SBF2: variants seen among roughly 807,000 people sequenced by gnomAD.
SBF2 encodes the protein SET binding factor 2.
SBF2 carries 112 observed loss-of-function variants against 225.2 expected under a neutral mutation model. The observed-to-expected ratio is 0.50, with a 90% CI of 0.43 to 0.58. SBF2 has a LOEUF of 0.58. SBF2 is among the 20% of genes least tolerant of loss of function. The pLI is 0.00. For missense variants in SBF2, 1,996 were observed against 2,206.2 expected, an observed-to-expected ratio of 0.90 and a Z score of 1.91; for synonymous variants, 763 against 773.3, an observed-to-expected ratio of 0.99 and a Z score of 0.22.
chr11:10,279,970 C>T (rs1423790250), intron 1 of SBF2, among the ~76,000 whole-genome samples: 2 of 152,156 alleles, frequency 1.3e-5, no homozygotes, highest in Non-Finnish European at 1.5e-5. Context: ...TTTTAATGTG[C>T]ATCATTATAG....
chr11:9,946,896 T>C (rs895584260), intron 16 of SBF2, among the ~76,000 whole-genome samples: 3 of 152,236 alleles, frequency 2.0e-5, no homozygotes, highest in African/African-American at 7.2e-5. Flanking sequence ...TCTATACACT[T>C]AGACAGATAT....
chr11:10,264,461 A>C (rs1303734024), intron 1 of SBF2, among the ~76,000 whole-genome samples: 1 of 152,180 alleles, frequency 6.6e-6, no homozygotes, highest in Non-Finnish European at 1.5e-5. Context: ...ATAATTGCTC[A>C]TTCAATATTA....
intron 1 of SBF2, among the ~76,000 whole-genome samples, chr11:10,237,937 A>G (rs1333281219): frequency 1.3e-5 from 2 of 152,206 alleles, no homozygotes; most frequent in Non-Finnish European, 2.9e-5. Context: ...CCATTAATCC[A>G]CTGAAAGACA....
chr11:10,027,621 C>A (rs1949098136), intron 6 of SBF2, among the ~76,000 whole-genome samples: 1 of 152,096 alleles, frequency 6.6e-6, no homozygotes, highest in African/African-American at 2.4e-5. Context: ...CACTCATAGG[C>A]AGGATATATA....
At chr11:10,045,066 T>C (rs1011909608) in intron 2 of SBF2, among the ~76,000 whole-genome samples, 4 of 152,172 alleles carry the variant, frequency 2.6e-5, no homozygotes, top group African/African-American at 4.8e-5. Context: ...CTAGCTGTTT[T>C]TGTAACGAGT....
At chr11:9,808,552 A>C (rs1853981245) in intron 31 of SBF2, 4 of 408,150 alleles carry the variant, frequency 9.8e-6, no homozygotes, top group Non-Finnish European at 1.8e-5. Context: ...CACACTTTTC[A>C]CTCTGGAGTG....
intron 16 of SBF2, chr11:9,958,679 G>A: frequency 3.1e-6 from 1 of 318,742 alleles, no homozygotes; most frequent in South Asian, 3.1e-5. Context: ...CTGGGAGAGG[G>A]GAAGAGTTGG....
intron 1 of SBF2, among the ~76,000 whole-genome samples, chr11:10,277,415 TTTTG>T (rs1378253044): frequency 1.3e-5 from 2 of 152,218 alleles, no homozygotes; most frequent in Admixed American, 6.5e-5. Flanking sequence ...TTTTGAATAA[TTTTG>T]TTTGTTGCAA....
intron 2 of SBF2, among the ~76,000 whole-genome samples, chr11:10,125,507 A>G (rs1397136032): frequency 6.6e-6 from 1 of 152,218 alleles, no homozygotes; most frequent in East Asian, 1.9e-4. Flanking sequence ...AAAACTACAT[A>G]GCCTCCTGCC....
chr11:10,301,414 A>G (rs1433361314), intron 1 of SBF2, among the ~76,000 whole-genome samples: 1 of 152,222 alleles, frequency 6.6e-6, no homozygotes, highest in Non-Finnish European at 1.5e-5. Context: ...TCAAATCCAC[A>G]AGGCTGATTG....
chr11:9,853,280 G>C (rs1843955833), intron 20 of SBF2, among the ~76,000 whole-genome samples: 2 of 151,868 alleles, frequency 1.3e-5, no homozygotes, highest in African/African-American at 4.8e-5. Context: ...GAGTGTTTGG[G>C]GTAATAAAAA....
At chr11:9,960,343 T>C (rs10840334) in intron 16 of SBF2, 41,924 of 152,142 alleles carry the variant, frequency 0.28, 6,081 homozygotes, top group Admixed American at 0.36. Context: ...CAAATTCATA[T>C]GGATATTTCC....
chr11:10,122,249 T>G (rs962000199), intron 2 of SBF2, among the ~76,000 whole-genome samples: 3 of 152,074 alleles, frequency 2.0e-5, no homozygotes, highest in Non-Finnish European at 2.9e-5. Context: ...ACAGCTACAG[T>G]GTATATAGTA....
Position 10,031,108 on chromosome 11 carries a change from T to G in SBF2, c.342A>C (p.Glu114Asp), listed in dbSNP as rs1352804912. Residue 114 changes from glutamate to aspartate, a missense_variant, in exon 4 of 40, where the codon GAA (glutamate) becomes GAC (aspartate). Transcript: ENST00000256190. ...ACACCAGGCTTTTGGGAGCAAACAC[T>G]TCTGCAGGCTGAATTAAACCAGACA... Reference protein sequence around the residue: ...AKVSGLIQPAEVFAPKSLVLV... With the variant: ...AKVSGLIQPADVFAPKSLVLV... The G allele has an allele frequency of 1.9e-6, 3 of 1,613,492 alleles. No homozygotes were observed. The highest frequency in any genetic ancestry group is 1.7e-5 in the Admixed American group (1 of 59,994).
In SBF2 at chr11:9,789,329, T is replaced by C. The variant is rs371960255; in HGVS notation, c.4712A>G (p.Asn1571Ser). 9.7e-5 allele frequency: 157 copies of C among 1,613,604 alleles called. No homozygotes were observed. Among genetic ancestry groups the C allele is most frequent in the African/African-American group, 1.6e-4 (12 of 74,914 alleles). Residue 1571 changes from asparagine (N) to serine (S), a missense_variant, in exon 35 of 40, where the codon AAT becomes AGT. Physicochemically the swap from Asn to Ser is conservative, Grantham distance 46. Transcript: ENST00000256190. The part of the protein sequence containing the change: ...SPLEIEALKP[N>S]VNVSSLKKWD... The stretch of plus-strand genomic sequence containing the variant: ...CTTCTTGAGGCTAGAGACGTTTACA[T>C]TGGGCTTTAGAGCCTGTTAAAGAAA...
At chr11:9,805,708 C>T (rs112892927) in intron 32 of SBF2, among the ~76,000 whole-genome samples, 5 of 152,266 alleles carry the variant, frequency 3.3e-5, no homozygotes, top group Admixed American at 1.3e-4. Flanking sequence ...ATGCAACCTC[C>T]GCCTCCCGGG....
chr11:9,824,739 G>A (rs2133924155), intron 28 of SBF2, among the ~76,000 whole-genome samples: 1 of 152,190 alleles, frequency 6.6e-6, no homozygotes, highest in South Asian at 2.1e-4. Context: ...ATCAGGTTGT[G>A]GGGTGGGAGG....
chr11:10,203,236 T>C (rs574222740), intron 1 of SBF2, among the ~76,000 whole-genome samples: 1 of 152,116 alleles, frequency 6.6e-6, no homozygotes, highest in Admixed American at 6.5e-5. Flanking sequence ...GAAGGCTGAA[T>C]GAAGCACACG....
chr11:9,900,754 T>A lies in SBF2; in HGVS notation c.1861-4743A>T, dbSNP rs142310449. On this transcript the variant is annotated intron_variant, in intron 16 of 39. Transcript: ENST00000256190. ...CATTTAAAAAAATTTTTTTTAAATG[T>A]TCTTAGACAGGATCCTGCTCTGTTG... Among the ~76,000 whole-genome samples the A allele has an allele frequency of 1.1e-3, 173 of 152,328 alleles. No homozygotes were observed. In the East Asian group the frequency reaches 0.033, roughly 29 times the overall value.
Sources: allele counts gnomAD v4.1 joint callset (sites outside exome capture counted in the v4.1 genomes callset), GRCh38; gene constraint gnomAD v4.1.1; transcripts MANE v1.5; gene names NCBI Gene and HGNC (gene_info 2026-07-23, HGNC 2026-07-21).